ATP8A1: variants seen among roughly 807,000 people sequenced by gnomAD.
ATP8A1 encodes the protein phospholipid-transporting ATPase IA.
Under a neutral mutation model 177.7 loss-of-function variants are expected in ATP8A1, and 90 were observed. That is an observed-to-expected ratio of 0.51 (90% CI 0.43 to 0.60). The LOEUF is 0.60. ATP8A1 is among the 20% of genes least tolerant of loss of function. The pLI, the probability that ATP8A1 is intolerant of heterozygous loss-of-function variation, is 0.00. For missense variants in ATP8A1, 1,072 were observed against 1,392.8 expected (o/e 0.77, Z 3.67); for synonymous variants, 493 against 485.9 (o/e 1.01, Z -0.19).
chr4:42,462,172 A>C (rs932449635), intron 27 of ATP8A1, among the ~76,000 whole-genome samples: 4 of 152,244 alleles, frequency 2.6e-5, no homozygotes, highest in Admixed American at 2.6e-4. Context: ...TCTGAGGAGA[A>C]ATGGAAGCAG....
intron 12 of ATP8A1, among the ~76,000 whole-genome samples, chr4:42,576,475 C>CAAAAAAAAAAAAAAAAAA (rs1159794343): frequency 1.9e-4 from 6 of 32,408 alleles, no homozygotes; most frequent in Non-Finnish European, 2.4e-4. Flanking sequence ...GACGCCGTCT[C>CAAAAAAAAAAAAAAAAAA]AAAAAAAAAA....
At chr4:42,639,073 G>A (rs1184413827) in intron 1 of ATP8A1, among the ~76,000 whole-genome samples, 2 of 152,164 alleles carry the variant, frequency 1.3e-5, no homozygotes, top group Non-Finnish European at 2.9e-5. Flanking sequence ...CCCACAAAGT[G>A]CAGAAGCCCC....
chr4:42,421,580 A>G (rs918332455), intron 35 of ATP8A1, among the ~76,000 whole-genome samples: 1 of 152,124 alleles, frequency 6.6e-6, no homozygotes, highest in African/African-American at 2.4e-5. Context: ...AGCGCTCAAC[A>G]AAGGTCAGTG....
chr4:42,645,567 G>C (rs1427966029), intron 1 of ATP8A1, among the ~76,000 whole-genome samples: 1 of 152,180 alleles, frequency 6.6e-6, no homozygotes, highest in Non-Finnish European at 1.5e-5. Context: ...ATGGGTCTGG[G>C]AATCTGTATT....
intron 20 of ATP8A1, among the ~76,000 whole-genome samples, chr4:42,527,287 G>C (rs2153200286): frequency 6.6e-6 from 1 of 152,296 alleles, no homozygotes; most frequent in South Asian, 2.1e-4. Context: ...AGCCTCAACA[G>C]GTGTCTACTG....
Position 42,472,223 on chromosome 4 carries a change from G to A in ATP8A1, c.2325-7147C>T, listed in dbSNP as rs992143312. 8 of 586,984 alleles carry A rather than the reference G, an allele frequency of 1.4e-5. No homozygotes were observed. In the African/African-American group the frequency reaches 1.5e-4, roughly 11 times the overall value. The allele number at this position is 586,984 out of a possible 1,614,324, so 36.4% of individuals were successfully genotyped here. On this transcript the variant is annotated intron_variant, in intron 25 of 36. Coordinates refer to ENST00000381668, the MANE Select transcript of ATP8A1 (RefSeq NM_006095.2). ...TTCCCAAGTGAAATTGTGGGCAAGA[G>A]AATCTGTGTGAAACTGGATGACAGC...
intron 15 of ATP8A1, among the ~76,000 whole-genome samples, chr4:42,557,711 CT>C (rs1411941855): frequency 6.6e-6 from 1 of 152,074 alleles, no homozygotes; most frequent in Non-Finnish European, 1.5e-5. Flanking sequence ...AAGAACTCTT[CT>C]TCTAGAAAGT....
intron 27 of ATP8A1, among the ~76,000 whole-genome samples, chr4:42,457,588 G>A (rs891965005): frequency 6.6e-6 from 1 of 152,200 alleles, no homozygotes; most frequent in East Asian, 1.9e-4. Flanking sequence ...TGGCTCAAAA[G>A]TTGTAGTTCT....
intron 1 of ATP8A1, among the ~76,000 whole-genome samples, chr4:42,649,805 T>C (rs757232719): frequency 1.3e-5 from 2 of 152,176 alleles, no homozygotes; most frequent in African/African-American, 2.4e-5. Context: ...ATTTTACAAA[T>C]TGGATTATAA....
intron 22 of ATP8A1, among the ~76,000 whole-genome samples, chr4:42,520,990 A>C (rs1726064269): frequency 6.6e-6 from 1 of 152,086 alleles, no homozygotes; most frequent in African/African-American, 2.4e-5. Flanking sequence ...ACATTACATA[A>C]AGGGAGGGGA....
intron 33 of ATP8A1, among the ~76,000 whole-genome samples, chr4:42,424,551 C>T (rs1367026619): frequency 6.6e-6 from 1 of 151,936 alleles, no homozygotes; most frequent in Non-Finnish European, 1.5e-5. Context: ...AAAAATCATG[C>T]AAAATTAAAA....
rs187403502 is a variant in ATP8A1 at position 42,424,415 on chromosome 4, T to C, written c.3124-710A>G. 1.5e-3 allele frequency among the ~76,000 whole-genome samples: 229 copies of C among 152,188 alleles called. 1 individual carries two copies. Among genetic ancestry groups the C allele is most frequent in the Non-Finnish European group, 2.5e-3 (172 of 67,968 alleles). On this transcript the variant is annotated intron_variant, in intron 33 of 36. Transcript: ENST00000381668. Reference sequence around the variant, plus strand: ...TATACAATAAAAGCAAAAGAAATATTTTGGTTTCACTTCTTTTAATCTTTT... The same window carrying C: ...TATACAATAAAAGCAAAAGAAATATCTTGGTTTCACTTCTTTTAATCTTTT...
At chr4:42,593,301 T>C (rs1195644112) in intron 6 of ATP8A1, among the ~76,000 whole-genome samples, 1 of 152,104 alleles carries the variant, frequency 6.6e-6, no homozygotes, top group Non-Finnish European at 1.5e-5. Context: ...CCTGATAAAG[T>C]TATAAGCAAA....
At chr4:42,478,563 CAA>C (rs368068020) in intron 25 of ATP8A1, among the ~76,000 whole-genome samples, 2 of 125,532 alleles carry the variant, frequency 1.6e-5, no homozygotes, top group Non-Finnish European at 3.6e-5. Flanking sequence ...AATACACACA[CAA>C]AAAAAAAACC....
At chr4:42,431,099 C>T (rs1176067378) in intron 33 of ATP8A1, among the ~76,000 whole-genome samples, 2 of 152,146 alleles carry the variant, frequency 1.3e-5, no homozygotes, top group Admixed American at 6.5e-5. Flanking sequence ...TTCCCAGAAA[C>T]TAGAATAGCG....
rs73810715 is a variant in ATP8A1 at position 42,499,586 on chromosome 4, T to A, written c.2151+3864A>T. Among the ~76,000 whole-genome samples the A allele has an allele frequency of 4.0e-3, 610 of 152,328 alleles. 4 individuals are homozygous for A. Among genetic ancestry groups the A allele is most frequent in the African/African-American group, 0.014 (588 of 41,578 alleles). Reference sequence around the variant, plus strand: ...CACCCACTCTAGATTTAGATGAAATTGTGGTGAAATCCTGAGCTATCTCAA... The same window carrying A: ...CACCCACTCTAGATTTAGATGAAATAGTGGTGAAATCCTGAGCTATCTCAA... On this transcript the variant is annotated intron_variant, in intron 24 of 36. Transcript: ENST00000381668.
chr4:42,489,333 T>C (rs967695809), intron 24 of ATP8A1, among the ~76,000 whole-genome samples: 3 of 152,304 alleles, frequency 2.0e-5, no homozygotes, highest in Non-Finnish European at 4.4e-5. Flanking sequence ...TGCAGTCCTG[T>C]GGTCCCCGCT....
intron 8 of ATP8A1, among the ~76,000 whole-genome samples, chr4:42,587,878 G>T (rs1023399296): frequency 1.3e-5 from 2 of 151,986 alleles, no homozygotes; most frequent in African/African-American, 2.4e-5. Flanking sequence ...AAAGTGCTGG[G>T]ATTACAGGCG....
At chr4:42,626,091 C>G (rs1738041657) in intron 2 of ATP8A1, 1 of 153,452 alleles carries the variant, frequency 6.5e-6, no homozygotes, top group African/African-American at 2.4e-5. Context: ...CCGAAATCAG[C>G]AATTTGAGCA....
Sources: allele counts gnomAD v4.1 joint callset (sites outside exome capture counted in the v4.1 genomes callset), GRCh38; gene constraint gnomAD v4.1.1; transcripts MANE v1.5; gene names NCBI Gene and HGNC (gene_info 2026-07-23, HGNC 2026-07-21).